EIF4E1B: variants seen among roughly 807,000 people sequenced by gnomAD.
The protein encoded by EIF4E1B is eukaryotic translation initiation factor 4E type 1B.
In EIF4E1B, 22 loss-of-function variants were observed where a neutral mutation model predicts 31.3. The observed-to-expected ratio is 0.70, with a 90% CI of 0.50 to 1.00. EIF4E1B has a LOEUF of 1.00. EIF4E1B is among the 50% of genes least tolerant of loss of function. EIF4E1B has a pLI of 0.00. For synonymous variants in EIF4E1B, 126 were observed against 120.2 expected (o/e 1.05, Z -0.31); for missense variants, 290 against 311.6 (o/e 0.93, Z 0.52).
At chr5:176,637,501 A>G (rs1359772923) in intron 1 of EIF4E1B, among the ~76,000 whole-genome samples, 2 of 152,166 alleles carry the variant, frequency 1.3e-5, no homozygotes, top group African/African-American at 2.4e-5. Flanking sequence ...AATCAGTAAA[A>G]TGTATGGTGC....
At position 176,638,873 on chromosome 5, in the gene EIF4E1B, C is replaced by T. The variant is rs1760535461; in HGVS notation, c.-201-3170C>T. 6.6e-6 allele frequency among the ~76,000 whole-genome samples: 1 copy of T among 152,212 alleles called. No homozygotes were observed. The highest frequency in any genetic ancestry group is 1.5e-5 in the Non-Finnish European group (1 of 68,042). ...CACTGCAACCTCTACCTCCCCAATT[C>T]AAGTGATTCTCCTGCCTCAGCCTCC... On this transcript the variant is annotated intron_variant, in intron 1 of 8. Coordinates refer to ENST00000318682, the MANE Select transcript of EIF4E1B (RefSeq NM_001099408.2). This position sits in a 1 kb window ranked among gnomAD's most constrained non-coding sequence, Gnocchi z 4.3.
chr5:176,644,248 T>C (rs1760651427), intron 5 of EIF4E1B, 128 bp from the exon 6 acceptor site: 2 of 899,376 alleles, frequency 2.2e-6, no homozygotes, highest in South Asian at 1.8e-5. Context: ...GAATCCCAGG[T>C]GGCAGGCCAG....
In EIF4E1B at chr5:176,646,219, A is replaced by G. The variant is rs1760706677; in HGVS notation, c.*239A>G. The G allele has an allele frequency of 6.5e-6, 3 of 458,386 alleles. No individual in the cohort carries two copies. The highest frequency in any genetic ancestry group is 1.2e-5 in the Non-Finnish European group (3 of 251,512). The allele number at this position is 458,386 out of a possible 1,614,324, so 28.4% of individuals were successfully genotyped here. A position where few individuals can be genotyped will look rare whatever the true frequency, so the allele number is the denominator to read the frequency against. ...GCCACAGGACAGCAGCAGGGTGGAA[A>G]AAACTCCTGAGGGTGGGGTGAGTCA... On this transcript the variant is annotated 3_prime_UTR_variant, in exon 9 of 9. Coordinates refer to ENST00000318682, the MANE Select transcript of EIF4E1B (RefSeq NM_001099408.2).
Position 176,643,127 on chromosome 5 carries a change from A to AGGAGGAGG in EIF4E1B, c.61_62insGGAGGAGG (p.Lys21ArgfsTer28), listed in dbSNP as rs1561910558. 6.2e-7 allele frequency: 1 copy of AGGAGGAGG among 1,613,224 alleles called. No individual in the cohort carries two copies. Among genetic ancestry groups the AGGAGGAGG allele is most frequent in the African/African-American group, 1.3e-5 (1 of 74,624 alleles). ...AATCCGAGAGTGGGAGGAGGAGGAG[A>AGGAGGAGG]AGGAGGAGGAGGCAGCAGAGAGGAC... On this transcript the variant is annotated frameshift_variant, in exon 4 of 9. Transcript: ENST00000318682. LOFTEE classifies it high-confidence loss of function.
Position 176,645,917 on chromosome 5 carries a change from C to A in EIF4E1B, c.666C>A (p.Tyr222Ter). 1 of 1,610,108 alleles carries A rather than the reference C, an allele frequency of 6.2e-7. No individual in the cohort carries two copies. Among genetic ancestry groups the A allele is most frequent in the Non-Finnish European group, 8.5e-7 (1 of 1,178,226 alleles). Residue 222 changes from tyrosine (Y) to a stop codon, truncating the protein, a stop_gained, in exon 9 of 9, where the codon TAC (tyrosine) becomes TAA (stop). Coordinates refer to ENST00000318682, the MANE Select transcript of EIF4E1B (RefSeq NM_001099408.2). LOFTEE classifies it high-confidence loss of function. This position sits in a 1 kb window ranked among gnomAD's most constrained non-coding sequence, Gnocchi z 5.4. Reference sequence around the variant, plus strand: ...TCTCCCCAAAGACCATCATTGGGTACCAGGCCCATGCAGACACAGCCACCA... The same window carrying A: ...TCTCCCCAAAGACCATCATTGGGTAACAGGCCCATGCAGACACAGCCACCA... ...LGLSPKTIIG[Y>*]QAHADTATKS...
intron 1 of EIF4E1B, among the ~76,000 whole-genome samples, chr5:176,640,644 G>A (rs1225552078): frequency 6.6e-6 from 1 of 152,156 alleles, no homozygotes; most frequent in Admixed American, 6.5e-5. Context: ...CAGCCACAGG[G>A]TTCTGTTTCC....
intron 1 of EIF4E1B, among the ~76,000 whole-genome samples, chr5:176,639,735 C>T (rs1760545880): frequency 6.6e-6 from 1 of 152,006 alleles, no homozygotes; most frequent in Non-Finnish European, 1.5e-5. Context: ...CCAGTCTAGG[C>T]CACATATTGA....
chr5:176,642,744 C>G lies in EIF4E1B; in HGVS notation c.-44C>G. On this transcript the variant is annotated 5_prime_UTR_variant, in exon 3 of 9. Transcript: ENST00000318682. The stretch of plus-strand genomic sequence containing the variant: ...CCCATGGTGTGGGGCTTGGTCACAG[C>G]TGCTTCCCCAGCCCCAGGCCTGCAC... 1 of 1,556,206 alleles carries G rather than the reference C, an allele frequency of 6.4e-7. No individual in the cohort carries two copies. The highest frequency in any genetic ancestry group is 1.2e-5 in the South Asian group (1 of 84,144).
rs145169960 is a variant in EIF4E1B, at chr5:176,633,213, TTTTGTTTGTTTG to T, written c.-202+2169_-202+2180del. On this transcript the variant is annotated intron_variant, in intron 1 of 8. Transcript: ENST00000318682. ...GATTATTTGAGCTGTCCAGTGTTTT[TTTTGTTTGTTTG>T]TTTGTTTGTTTGTTTGTTTTAAGAG... is the stretch of plus-strand genomic sequence containing the variant. Among the ~76,000 whole-genome samples the T allele has an allele frequency of 2.9e-3, 439 of 150,188 alleles. 1 individual carries two copies. The highest frequency in any genetic ancestry group is 4.7e-3 in the Non-Finnish European group (318 of 67,806).
intron 1 of EIF4E1B, among the ~76,000 whole-genome samples, chr5:176,632,244 A>G (rs1395570808): frequency 1.3e-5 from 2 of 152,188 alleles, no homozygotes; most frequent in African/African-American, 2.4e-5. Flanking sequence ...ATGGCTAGAT[A>G]TACAATTCTT....
rs756896801 is a variant in EIF4E1B, at chr5:176,643,674, G to A, written c.236G>A (p.Arg79Gln). 3.1e-5 allele frequency: 50 copies of A among 1,612,310 alleles called. No individual in the cohort carries two copies. The highest frequency in any genetic ancestry group is 3.7e-5 in the Non-Finnish European group (44 of 1,179,228). Residue 79 changes from arginine to glutamine, a missense_variant, in exon 5 of 9, where the codon CGG becomes CAG. Arg to Gln is a conservative substitution (Grantham distance 43). Transcript: ENST00000318682. The stretch of plus-strand genomic sequence containing the variant: ...TGGTTCTTCAAGAATGACCGCAGCC[G>A]GGCCTGGCAGGACAACCTGCACCTG... ...ALWFFKNDRS[R>Q]AWQDNLHLVT...
Position 176,643,247 on chromosome 5 carries a change from C to G in EIF4E1B, c.181C>G (p.Leu61Val). ...TGGPMEVKLE[L>V]HPLQNRWALW... is the part of the protein sequence containing the mutation. Reference sequence around the variant, plus strand: ...GGGCCCCATGGAAGTCAAGCTGGAGCTGCACCCCTTGCAGAACAGGTAGGC... The same window carrying G: ...GGGCCCCATGGAAGTCAAGCTGGAGGTGCACCCCTTGCAGAACAGGTAGGC... Residue 61 changes from leucine (L) to valine (V), a missense_variant, in exon 4 of 9, where the codon CTG (leucine) becomes GTG (valine). Transcript: ENST00000318682. The G allele has an allele frequency of 6.2e-7, 1 of 1,612,400 alleles. No individual in the cohort carries two copies. The highest frequency in any genetic ancestry group is 8.5e-7 in the Non-Finnish European group (1 of 1,179,826).
At chr5:176,644,255 C>T in intron 5 of EIF4E1B, 121 bp from the exon 6 acceptor site, 1 of 984,620 alleles carries the variant, frequency 1.0e-6, no homozygotes, top group Non-Finnish European at 1.5e-6. Context: ...AGGTGGCAGG[C>T]CAGTGTAAGC....
In EIF4E1B at chr5:176,634,673, C is replaced by CTT. The variant is rs70991565; in HGVS notation, c.-202+3621_-202+3622dup. 9.4e-3 allele frequency among the ~76,000 whole-genome samples: 1,155 copies of CTT among 123,016 alleles called. 22 individuals carry two copies. The highest frequency in any genetic ancestry group is 0.033 in the African/African-American group (1,042 of 31,262). The allele number at this position is 123,016 out of a possible 152,430, so 80.7% of individuals were successfully genotyped here. On this transcript the variant is annotated intron_variant, in intron 1 of 8. Coordinates refer to ENST00000318682, the MANE Select transcript of EIF4E1B (RefSeq NM_001099408.2). ...CAATTCCTGAAGTTTTTTTTTTTTT[C>CTT]TTTTTTTTTTTTTCGAGACAGAGTC... is the stretch of plus-strand genomic sequence containing the variant.
At chr5:176,643,755 G>T in intron 5 of EIF4E1B, 21 bp downstream of exon 5, 1 of 1,604,252 alleles carries the variant, frequency 6.2e-7, no homozygotes, top group Admixed American at 1.7e-5. Context: ...GTCCCCAGTG[G>T]GGCTAGAGTT....
At chr5:176,636,505 G>T (rs1760495337) in intron 1 of EIF4E1B, among the ~76,000 whole-genome samples, 1 of 152,256 alleles carries the variant, frequency 6.6e-6, no homozygotes, top group Admixed American at 6.5e-5. Flanking sequence ...GGAGCAGAGA[G>T]TTCTCTTAAG....
chr5:176,632,270 T>A (rs1760413666), intron 1 of EIF4E1B, among the ~76,000 whole-genome samples: 2 of 152,236 alleles, frequency 1.3e-5, no homozygotes, highest in Admixed American at 6.5e-5. Context: ...TTTCTTGTTT[T>A]TTTGAGATGG....
At chr5:176,643,416 C>T in intron 4 of EIF4E1B, 150 bp downstream of exon 4, 1 of 1,074,160 alleles carries the variant, frequency 9.3e-7, no homozygotes, top group Non-Finnish European at 1.3e-6. Flanking sequence ...GCCCTGTTGG[C>T]CCTTCCAGCC....
chr5:176,645,207 G>A lies in EIF4E1B; in HGVS notation c.438G>A (p.Gln146=). ...GRWLVSLAKQ[Q]RHIELDRLWL... The stretch of plus-strand genomic sequence containing the variant: ...GGCTGGTCAGCCTGGCCAAGCAGCA[G>A]CGCCACATTGAGCTGGACCGGCTGT... The change falls in exon 7 of 9, where the codon CAG becomes CAA. Residue 146 remains glutamine, a synonymous_variant. Coordinates refer to ENST00000318682, the MANE Select transcript of EIF4E1B (RefSeq NM_001099408.2). The surrounding 1 kb of genome is among the most constrained non-coding windows in gnomAD (Gnocchi z 5.4). The A allele has an allele frequency of 6.3e-7, 1 of 1,590,438 alleles. No individual in the cohort carries two copies. Among genetic ancestry groups the A allele is most frequent in the South Asian group, 1.1e-5 (1 of 87,882 alleles).
Sources: gnomAD v4.1 joint callset for allele counts (sites outside exome capture counted in the v4.1 genomes callset) on GRCh38, gnomAD v4.1.1 for gene constraint, Gnocchi (gnomAD v3.1) non-coding constraint, MANE v1.5 for transcripts, NCBI Gene and HGNC (gene_info 2026-07-23, HGNC 2026-07-21) for gene names.